The following ROBO1 variants were observed in gnomAD, a reference collection of about 807,000 sequenced individuals.
ROBO1 encodes the protein roundabout homolog 1.
A neutral mutation model predicts 195.9 loss-of-function variants in ROBO1; 149 were observed. The observed-to-expected ratio is 0.76, with a 90% CI of 0.67 to 0.87. The LOEUF (loss-of-function observed/expected upper bound fraction) is 0.87, where lower values mean the gene tolerates loss of function less well. Among genes scored for constraint, ROBO1 ranks in the 40% least tolerant of loss-of-function variants. The pLI, the probability that ROBO1 is intolerant of heterozygous loss-of-function variation, is 0.00. For missense variants in ROBO1, 1,933 were observed against 2,068.3 expected, an observed-to-expected ratio of 0.93 and a Z score of 1.27; for synonymous variants, 816 against 733.2, an observed-to-expected ratio of 1.11 and a Z score of -1.82.
intron 2 of ROBO1, among the ~76,000 whole-genome samples, chr3:79,300,823 CG>C (rs749148766): frequency 4.6e-5 from 7 of 152,108 alleles, no homozygotes; most frequent in Non-Finnish European, 8.8e-5. Context: ...ATGCACCAAT[CG>C]ACACTCTGTA....
intron 1 of ROBO1, among the ~76,000 whole-genome samples, chr3:79,744,086 A>C (rs778112848): frequency 6.6e-6 from 1 of 152,234 alleles, no homozygotes; most frequent in Non-Finnish European, 1.5e-5. Flanking sequence ...CATGTGCTTC[A>C]CTATTACAAG....
intron 2 of ROBO1, among the ~76,000 whole-genome samples, chr3:79,422,179 T>C (rs1024320536): frequency 3.4e-5 from 5 of 148,368 alleles, no homozygotes; most frequent in African/African-American, 9.8e-5. Flanking sequence ...TTATGTATTA[T>C]ATATTATATT....
intron 3 of ROBO1, among the ~76,000 whole-genome samples, chr3:79,013,524 T>C (rs1010354728): frequency 6.6e-6 from 1 of 152,202 alleles, no homozygotes; most frequent in South Asian, 2.1e-4. Flanking sequence ...AACCACAGTT[T>C]CATTTAAGTG....
At chr3:78,629,454 G>A (rs1705038319) in intron 25 of ROBO1, among the ~76,000 whole-genome samples, 1 of 152,134 alleles carries the variant, frequency 6.6e-6, no homozygotes, top group Non-Finnish European at 1.5e-5. Flanking sequence ...CACTTTGGGA[G>A]GCTGAGGCGG....
intron 1 of ROBO1, among the ~76,000 whole-genome samples, chr3:79,660,280 TA>T (rs928451964): frequency 4.6e-5 from 7 of 151,500 alleles, no homozygotes; most frequent in African/African-American, 1.7e-4. Context: ...AAGTCACGAC[TA>T]AAATGCCAGC....
chr3:78,800,633 T>G (rs1023116211), intron 4 of ROBO1, among the ~76,000 whole-genome samples: 29 of 152,170 alleles, frequency 1.9e-4, no homozygotes, highest in Non-Finnish European at 4.0e-4. Context: ...CTCGGCTCAC[T>G]GCAACCTCCG....
chr3:79,487,881 A>T (rs1480278513), intron 2 of ROBO1, among the ~76,000 whole-genome samples: 2 of 152,184 alleles, frequency 1.3e-5, no homozygotes, highest in East Asian at 3.8e-4. Context: ...CCCTAGATAG[A>T]AATAGAAAAT....
At chr3:78,815,282 G>T (rs2084864236) in intron 4 of ROBO1, among the ~76,000 whole-genome samples, 2 of 152,132 alleles carry the variant, frequency 1.3e-5, no homozygotes, top group African/African-American at 4.8e-5. Context: ...TGAAAGCTGA[G>T]CTAGACCAAA....
chr3:78,724,148 A>G (rs1283834910), intron 5 of ROBO1, among the ~76,000 whole-genome samples: 1 of 152,160 alleles, frequency 6.6e-6, no homozygotes, highest in Non-Finnish European at 1.5e-5. Flanking sequence ...AACTTCAGAA[A>G]CAGAAGAAAC....
intron 2 of ROBO1, among the ~76,000 whole-genome samples, chr3:79,323,742 T>G (rs1456561929): frequency 6.6e-6 from 1 of 152,186 alleles, no homozygotes; most frequent in Admixed American, 6.5e-5. Flanking sequence ...ATTTTTAGAA[T>G]TAACTTTTGG....
intron 2 of ROBO1, among the ~76,000 whole-genome samples, chr3:79,194,503 C>T (rs1033736221): frequency 6.6e-6 from 1 of 151,578 alleles, no homozygotes; most frequent in African/African-American, 2.4e-5. Context: ...TACTTGGACA[C>T]GAGGGAGCCC....
intron 2 of ROBO1, among the ~76,000 whole-genome samples, chr3:79,531,471 CAATT>C (rs1941659540): frequency 1.3e-5 from 2 of 151,834 alleles, no homozygotes; most frequent in Non-Finnish European, 2.9e-5. Context: ...AAAATACAAA[CAATT>C]AACCAGGCTT....
chr3:79,717,556 GA>G (rs1702539371), intron 1 of ROBO1, among the ~76,000 whole-genome samples: 1 of 151,874 alleles, frequency 6.6e-6, no homozygotes. Flanking sequence ...AAGTTAATTA[GA>G]AAATAATTTG....
intron 2 of ROBO1, among the ~76,000 whole-genome samples, chr3:79,541,465 A>G (rs1294570444): frequency 6.6e-6 from 1 of 152,120 alleles, no homozygotes; most frequent in Non-Finnish European, 1.5e-5. Flanking sequence ...TGAGGCTAGA[A>G]GCACAGTCTA....
chr3:79,568,161 C>T (rs1273359967), intron 2 of ROBO1, among the ~76,000 whole-genome samples: 2 of 151,928 alleles, frequency 1.3e-5, no homozygotes, highest in Non-Finnish European at 2.9e-5. Flanking sequence ...AAAGAAACAA[C>T]CAAATCTGCA....
Position 78,631,182 on chromosome 3 carries a change from T to C in ROBO1, c.3605A>G (p.Tyr1202Cys). The C allele has an allele frequency of 6.2e-7, 1 of 1,612,184 alleles. No homozygotes were observed. Among genetic ancestry groups the C allele is most frequent in the South Asian group, 1.1e-5 (1 of 90,742 alleles). ...TTACCTTTCATCTACAGAAATGTTG[T>C]ACTCTTCGCTATTGCTGTGTGGAGG... The part of the protein sequence containing the change: ...HPPPHSNSEE[Y>C]NISVDESYDQ... Residue 1202 changes from tyrosine to cysteine, a missense_variant, in exon 25 of 31, where the codon TAC becomes TGC. Transcript: ENST00000464233.
At chr3:79,123,212 T>C (rs1464175172) in intron 3 of ROBO1, among the ~76,000 whole-genome samples, 2 of 151,936 alleles carry the variant, frequency 1.3e-5, no homozygotes, top group South Asian at 2.1e-4. Context: ...TATAAAAGTG[T>C]TCCTGGACAG....
intron 2 of ROBO1, among the ~76,000 whole-genome samples, chr3:79,335,667 T>A (rs1327109620): frequency 6.6e-6 from 1 of 152,186 alleles, no homozygotes; most frequent in Admixed American, 6.5e-5. Flanking sequence ...CAGCAGCTCT[T>A]TATAGCAGCA....
At chr3:79,731,710 A>G (rs1293968726) in intron 1 of ROBO1, among the ~76,000 whole-genome samples, 1 of 152,212 alleles carries the variant, frequency 6.6e-6, no homozygotes, top group Non-Finnish European at 1.5e-5. Flanking sequence ...ACATGAGAAT[A>G]TAATACAGAT....
Sources: gnomAD v4.1 joint callset for allele counts (sites outside exome capture counted in the v4.1 genomes callset) on GRCh38, gnomAD v4.1.1 for gene constraint, MANE v1.5 for transcripts, NCBI Gene and HGNC (gene_info 2026-07-23, HGNC 2026-07-21) for gene names.